IFI16: variants seen among roughly 807,000 people sequenced by gnomAD.
IFI16 encodes gamma-interferon-inducible protein 16.
A neutral mutation model predicts 68.4 loss-of-function variants in IFI16; 49 were observed. The observed-to-expected ratio is 0.72, with a 90% confidence interval of 0.57 to 0.91. IFI16 has a LOEUF of 0.91. IFI16 is among the 40% of genes least tolerant of loss of function. IFI16 has a pLI of 0.00. For synonymous variants in IFI16, 307 were observed against 315.0 expected (o/e 0.97, Z 0.27); for missense variants, 878 against 942.9 (o/e 0.93, Z 0.90).
chr1:159,014,932 A>G lies in IFI16; in HGVS notation c.252A>G (p.Lys84=), dbSNP rs1652827793. The G allele has an allele frequency of 6.2e-7, 1 of 1,606,296 alleles. No individual in the cohort carries two copies. Among genetic ancestry groups the G allele is most frequent in the South Asian group, 1.1e-5 (1 of 89,782 alleles). ...TLEDLAETLK[K]EKLKVKGPAL... ...AAGACCTGGCTGAAACTCTTAAAAA[A>G]GAAAAGTTAAAAGGTAATTGGGAAG... The change falls in exon 2 of 12, where the codon AAA becomes AAG. Residue 84 remains lysine, a synonymous_variant. Transcript: ENST00000295809.
chr1:159,000,244 A>C (rs552598750), exon 1 of IFI16: 1 of 259,430 alleles, frequency 3.9e-6, no homozygotes, highest in South Asian at 7.4e-5. Flanking sequence ...ACTTAAACCT[A>C]TCCAGTTCCT....
At chr1:159,011,412 AGT>A (rs1473012506) in intron 1 of IFI16, among the ~76,000 whole-genome samples, 1 of 151,858 alleles carries the variant, frequency 6.6e-6, no homozygotes, top group Non-Finnish European at 1.5e-5. Context: ...TTTTCTTTGT[AGT>A]GCTCTCACAA....
At chr1:159,046,223 T>G (rs968571016) in intron 8 of IFI16, among the ~76,000 whole-genome samples, 6 of 151,238 alleles carry the variant, frequency 4.0e-5, no homozygotes, top group African/African-American at 1.5e-4. Context: ...AGATCTTCTT[T>G]CATTACCCTC....
chr1:159,004,820 C>T (rs1234499719), upstream of IFI16, among the ~76,000 whole-genome samples: 3 of 152,040 alleles, frequency 2.0e-5, no homozygotes, highest in Non-Finnish European at 2.9e-5. Context: ...AAGTGAAGTC[C>T]TGAAATTAAA....
Position 159,045,532 on chromosome 1 carries a change from G to A in IFI16, c.1497+68G>A, listed in dbSNP as rs185366941. On this transcript the variant is annotated intron_variant, in intron 8 of 11. Coordinates refer to ENST00000295809, the MANE Select transcript of IFI16 (RefSeq NM_001376587.1). ...TAATGACAAGGATTAACACAACCTTGAAAGCACCTCACCAATCCCCTACTA... is the reference window on the plus strand; with the variant it reads ...TAATGACAAGGATTAACACAACCTTAAAAGCACCTCACCAATCCCCTACTA... 1.2e-3 allele frequency: 1,883 copies of A among 1,578,056 alleles called. 57 individuals carry two copies. In the African/African-American group the frequency reaches 0.023, roughly 19 times the overall value.
At chr1:159,026,298 CTTTT>C (rs58483921) in intron 6 of IFI16, among the ~76,000 whole-genome samples, 4 of 115,022 alleles carry the variant, frequency 3.5e-5, no homozygotes, top group Admixed American at 8.7e-5. Context: ...TTATTTCTTT[CTTTT>C]TTTTTTTTTT....
At chr1:159,050,230 T>C (rs1371543478) in intron 9 of IFI16, among the ~76,000 whole-genome samples, 6 of 152,316 alleles carry the variant, frequency 3.9e-5, no homozygotes, top group African/African-American at 9.6e-5. Flanking sequence ...ACTAGAAAAA[T>C]TGCACAGTTA....
chr1:159,014,568 C>T (rs780776960), intron 1 of IFI16, 93 bp from the exon 2 acceptor site: 9 of 765,608 alleles, frequency 1.2e-5, no homozygotes, highest in Admixed American at 2.9e-5. Context: ...TCATGAACAA[C>T]TCTTTCATAT....
chr1:159,044,821 T>A (rs1340433712), intron 7 of IFI16, among the ~76,000 whole-genome samples: 1 of 152,168 alleles, frequency 6.6e-6, no homozygotes, highest in African/African-American at 2.4e-5. Context: ...TGAGAGAATC[T>A]TCTTATTATG....
In IFI16 at chr1:159,016,690, C is replaced by T. The variant is rs1652953054; in HGVS notation, c.539C>T (p.Ser180Phe). Residue 180 changes from serine to phenylalanine, a missense_variant, in exon 4 of 12, where the codon TCT becomes TTT. Ser to Phe is a radical substitution (Grantham distance 155, BLOSUM62 -2). This residue lies in a region of IFI16 where 443 missense variants were observed against 421.8 expected (regional missense o/e 1.05). Transcript: ENST00000295809. ...KTSLSAPPNS[S>F]STENPKTVAK... ...TCATTGTCAGCTCCACCCAACAGTT[C>T]TTCAACTGAGGTACACTCTTCCTGG... is the stretch of plus-strand genomic sequence containing the variant. 2.5e-6 allele frequency: 4 copies of T among 1,613,178 alleles called. No homozygotes were observed. The highest frequency in any genetic ancestry group is 1.6e-4 in the Middle Eastern group (1 of 6,078).
chr1:159,028,758 C>A (rs1391415034), intron 6 of IFI16, among the ~76,000 whole-genome samples: 1 of 103,348 alleles, frequency 9.7e-6, no homozygotes, highest in Non-Finnish European at 1.9e-5. Flanking sequence ...TGTAATGTCC[C>A]TTTTTGTCTT....
intron 6 of IFI16, among the ~76,000 whole-genome samples, chr1:159,026,990 A>T (rs190840596): frequency 6.6e-6 from 1 of 152,274 alleles, no homozygotes; most frequent in East Asian, 1.9e-4. Flanking sequence ...CAACAGTTTG[A>T]CTTCCTCTTT....
intron 7 of IFI16, among the ~76,000 whole-genome samples, chr1:159,043,962 AC>A (rs1654822008): frequency 6.6e-6 from 1 of 152,154 alleles, no homozygotes; most frequent in African/African-American, 2.4e-5. Flanking sequence ...TTCCTATATT[AC>A]CTCCATACAA....
chr1:159,051,268 C>A (rs547570899), intron 9 of IFI16, among the ~76,000 whole-genome samples: 2 of 152,212 alleles, frequency 1.3e-5, no homozygotes, highest in South Asian at 4.1e-4. Context: ...CACGGACCAG[C>A]AGTGCTCAAT....
chr1:159,054,223 C>T (rs1325057208), intron 11 of IFI16, among the ~76,000 whole-genome samples: 1 of 152,218 alleles, frequency 6.6e-6, no homozygotes, highest in Non-Finnish European at 1.5e-5. Context: ...GAGATACATA[C>T]ACTGGTTTAC....
At chr1:159,051,530 A>G in intron 9 of IFI16, 149 bp from the exon 10 acceptor site, 2 of 616,734 alleles carry the variant, frequency 3.2e-6, no homozygotes, top group Non-Finnish European at 5.8e-6. Flanking sequence ...AAATCATACT[A>G]TCTCAGTGAT....
upstream of IFI16, among the ~76,000 whole-genome samples, chr1:159,003,746 C>T (rs951865569): frequency 5.9e-5 from 9 of 152,166 alleles, no homozygotes; most frequent in Admixed American, 2.6e-4. Context: ...CTGCAAGCTC[C>T]GCCTCCTGGG....
Position 159,051,726 on chromosome 1 carries a change from CAG to C in IFI16, c.1714_1715del (p.Ser572CysfsTer4). 1 of 1,613,904 alleles carries C rather than the reference CAG, an allele frequency of 6.2e-7. No homozygotes were observed. The highest frequency in any genetic ancestry group is 8.5e-7 in the Non-Finnish European group (1 of 1,179,812). On this transcript the variant is annotated frameshift_variant, in exon 10 of 12. Coordinates refer to ENST00000295809, the MANE Select transcript of IFI16 (RefSeq NM_001376587.1). LOFTEE classifies it high-confidence loss of function. Reference protein sequence around the residue: ...TEPEEVSIEDSAQSDLKEVMV... With the variant: ...TEPEEVSIEDXAQSDLKEVMV... ...AACCTGAAGAAGTTTCCATAGAAGACAGTGCCCAGAGTGACCTCAAAGAAGTG... is the reference window on the plus strand; with the variant it reads ...AACCTGAAGAAGTTTCCATAGAAGACTGCCCAGAGTGACCTCAAAGAAGTG...
intron 6 of IFI16, among the ~76,000 whole-genome samples, chr1:159,021,742 C>T (rs1315955067): frequency 6.6e-6 from 1 of 152,116 alleles, no homozygotes; most frequent in Non-Finnish European, 1.5e-5. Flanking sequence ...TGTTCCTTTT[C>T]ACCACATCGA....
Sources: gnomAD v4.1 joint callset for allele counts (sites outside exome capture counted in the v4.1 genomes callset) on GRCh38, gnomAD v4.1.1 for gene constraint, gnomAD v4.1.1 regional missense constraint, MANE v1.5 for transcripts, NCBI Gene and HGNC (gene_info 2026-07-23, HGNC 2026-07-21) for gene names.